ZCWPW2: variants seen among roughly 807,000 people sequenced by gnomAD.
ZCWPW2 encodes the protein zinc finger CW-type and PWWP domain containing 2.
In ZCWPW2, 45 loss-of-function variants were observed where a neutral mutation model predicts 46.6. The ratio of observed to expected loss-of-function variants is 0.96; its 90% confidence interval spans 0.76 to 1.24. The LOEUF is 1.24. ZCWPW2 is among the 50% of genes most tolerant of loss of function. The probability of loss-of-function intolerance (pLI) is 0.00; values close to 1 mark genes in which losing one functional copy is unlikely to be tolerated. For missense variants in ZCWPW2, 429 were observed against 403.9 expected, an observed-to-expected ratio of 1.06 and a Z score of -0.53; for synonymous variants, 152 against 137.1, an observed-to-expected ratio of 1.11 and a Z score of -0.76.
intron 4 of ZCWPW2, among the ~76,000 whole-genome samples, chr3:28,463,647 A>T (rs1698722555): frequency 6.6e-6 from 1 of 152,154 alleles, no homozygotes; most frequent in Non-Finnish European, 1.5e-5. Context: ...CTTGCTTGGC[A>T]TACCTTAACC....
intron 4 of ZCWPW2, among the ~76,000 whole-genome samples, chr3:28,437,580 AT>A (rs1312197359): frequency 3.3e-5 from 5 of 152,152 alleles, no homozygotes; most frequent in Admixed American, 3.3e-4. Context: ...GACTTAATTA[AT>A]TTTATTAAGA....
Position 28,524,688 on chromosome 3 carries a change from G to T in ZCWPW2, c.1071G>T (p.Ter357TyrextTer8). ...KEIDALMSEF* is the reference protein window; with the variant it reads ...KEIDALMSEFY The stretch of plus-strand genomic sequence containing the variant: ...TAGATGCTTTGATGTCTGAGTTTTA[G>T]AACATTATACATTTTTCAAATTAAT... The change falls in exon 10 of 10, where the codon TAG (stop) becomes TAT (tyrosine). Residue 357 changes from the stop codon to tyrosine (Y), a stop_lost. Coordinates refer to ENST00000383768, the MANE Select transcript of ZCWPW2 (RefSeq NM_001040432.4). The T allele has an allele frequency of 6.6e-7, 1 of 1,511,500 alleles. No homozygotes were observed. The highest frequency in any genetic ancestry group is 8.9e-7 in the Non-Finnish European group (1 of 1,125,640). 93.6% of individuals were successfully genotyped at this position (1,511,500 alleles called of 1,614,324 possible).
At chr3:28,369,750 C>G (rs1705245674) in intron 1 of ZCWPW2, among the ~76,000 whole-genome samples, 1 of 152,228 alleles carries the variant, frequency 6.6e-6, no homozygotes, top group South Asian at 2.1e-4. Flanking sequence ...GCCCTGCCCG[C>G]AGAGGTGGAG....
intron 1 of ZCWPW2, 45 bp downstream of exon 1, chr3:28,349,248 CT>C: frequency 1.0e-6 from 1 of 973,562 alleles, no homozygotes; most frequent in South Asian, 4.7e-5. Flanking sequence ...CGAGGTCCCC[CT>C]TCAGGGGCGC....
intron 1 of ZCWPW2, among the ~76,000 whole-genome samples, chr3:28,354,996 T>A (rs1370600778): frequency 6.8e-6 from 1 of 146,566 alleles, no homozygotes; most frequent in Non-Finnish European, 1.5e-5. Context: ...TTGGAAGTTC[T>A]GGCCAGGGTA....
intron 1 of ZCWPW2, among the ~76,000 whole-genome samples, chr3:28,354,589 A>C (rs1315775239): frequency 8.7e-6 from 1 of 114,370 alleles, no homozygotes; most frequent in Non-Finnish European, 1.9e-5. Context: ...ATGAACATTG[A>C]TGCAAAAATC....
At chr3:28,474,308 A>G (rs180864011) in intron 4 of ZCWPW2, among the ~76,000 whole-genome samples, 29 of 152,358 alleles carry the variant, frequency 1.9e-4, no homozygotes, top group African/African-American at 6.7e-4. Flanking sequence ...TGATTTCACA[A>G]TAACCTCCAA....
chr3:28,521,012 T>C lies in ZCWPW2; in HGVS notation c.805T>C (p.Leu269=). The change falls in exon 9 of 10, where the codon TTA becomes CTA. Residue 269 remains leucine (L), a synonymous_variant. Transcript: ENST00000383768. The part of the protein sequence containing the change: ...ENRVVCETEV[L]LKELEQMLQQ... ...TTTAGTTGTCTGTGAGACGGAAGTT[T>C]TACTAAAAGAGCTGGAGCAAATGCT... 3 of 1,613,548 alleles carry C rather than the reference T, an allele frequency of 1.9e-6. No homozygotes were observed. Among genetic ancestry groups the C allele is most frequent in the Non-Finnish European group, 2.5e-6 (3 of 1,179,786 alleles).
intron 7 of ZCWPW2, 115 bp from the exon 8 acceptor site, chr3:28,515,439 C>A: frequency 1.3e-6 from 1 of 784,506 alleles, no homozygotes. Flanking sequence ...AAGAGAATTA[C>A]CTTTAGAAAA....
intron 4 of ZCWPW2, among the ~76,000 whole-genome samples, chr3:28,473,156 T>C (rs749345769): frequency 2.6e-5 from 4 of 152,180 alleles, no homozygotes; most frequent in Non-Finnish European, 5.9e-5. Context: ...ACAACTACTA[T>C]GGAGAACAGT....
intron 1 of ZCWPW2, among the ~76,000 whole-genome samples, chr3:28,354,133 A>G (rs1008500317): frequency 5.3e-5 from 8 of 152,272 alleles, no homozygotes; most frequent in Admixed American, 1.3e-4. Flanking sequence ...GAGCTGTGTG[A>G]AATTTAACAA....
chr3:28,513,834 T>C (rs553458776), intron 6 of ZCWPW2, among the ~76,000 whole-genome samples: 63 of 152,098 alleles, frequency 4.1e-4, no homozygotes, highest in African/African-American at 1.5e-3. Flanking sequence ...GAGTGGATAA[T>C]ATGGGAGGTA....
chr3:28,406,970 G>A (rs944235327), intron 2 of ZCWPW2, among the ~76,000 whole-genome samples: 7 of 151,906 alleles, frequency 4.6e-5, no homozygotes, highest in African/African-American at 1.7e-4. Flanking sequence ...GGGAATATAG[G>A]TGTGCCCTAT....
At chr3:28,352,613 T>C (rs1034121141) in intron 1 of ZCWPW2, among the ~76,000 whole-genome samples, 1 of 152,018 alleles carries the variant, frequency 6.6e-6, no homozygotes, top group Non-Finnish European at 1.5e-5. Context: ...AATTGACTTA[T>C]CAGTTGATCA....
chr3:28,404,757 T>C (rs184909344), intron 2 of ZCWPW2, among the ~76,000 whole-genome samples: 2 of 152,344 alleles, frequency 1.3e-5, no homozygotes, highest in Admixed American at 6.5e-5. Context: ...GAGACTATTA[T>C]TCTAAGTGAT....
intron 6 of ZCWPW2, among the ~76,000 whole-genome samples, chr3:28,507,645 C>T (rs1467653012): frequency 1.3e-5 from 2 of 151,898 alleles, no homozygotes; most frequent in Admixed American, 6.6e-5. Flanking sequence ...TATAAAATAG[C>T]GATTACTTTA....
chr3:28,457,763 C>G (rs1232506727), intron 4 of ZCWPW2, among the ~76,000 whole-genome samples: 1 of 152,074 alleles, frequency 6.6e-6, no homozygotes, highest in Non-Finnish European at 1.5e-5. Flanking sequence ...TGCTACAGAC[C>G]TGATGAATTT....
rs546305005 is a variant in ZCWPW2, at chr3:28,402,876, T to C, written c.-13-10180T>C. On this transcript the variant is annotated intron_variant, in intron 2 of 9. Coordinates refer to ENST00000383768, the MANE Select transcript of ZCWPW2 (RefSeq NM_001040432.4). ...TTTATGATTAAAACTCTCAGCAAAA[T>C]CAGCATACAAGGAGCAAAGTTCAGT... 2.0e-5 allele frequency among the ~76,000 whole-genome samples: 3 copies of C among 152,134 alleles called. No individual in the cohort carries two copies. In the South Asian group the frequency reaches 6.2e-4, roughly 32 times the overall value.
At chr3:28,442,439 A>T (rs1697800938) in intron 4 of ZCWPW2, among the ~76,000 whole-genome samples, 1 of 151,506 alleles carries the variant, frequency 6.6e-6, no homozygotes, top group African/African-American at 2.4e-5. Context: ...CAGTCAGCAT[A>T]GTGTCATCAA....
Sources: gnomAD v4.1 joint callset for allele counts (sites outside exome capture counted in the v4.1 genomes callset) on GRCh38, gnomAD v4.1.1 for gene constraint, MANE v1.5 for transcripts, NCBI Gene and HGNC (gene_info 2026-07-23, HGNC 2026-07-21) for gene names.